The following ZNF385D variants were observed in gnomAD, a reference collection of about 807,000 sequenced individuals.
ZNF385D encodes zinc finger protein 659.
A neutral mutation model predicts 35.8 loss-of-function variants in ZNF385D; 15 were observed. The observed-to-expected ratio is 0.42, with a 90% CI of 0.28 to 0.64. The LOEUF is 0.64. ZNF385D is among the 30% of genes least tolerant of loss of function. The probability of loss-of-function intolerance (pLI) is 0.23; values close to 1 mark genes in which losing one functional copy is unlikely to be tolerated. For missense variants in ZNF385D, 474 were observed against 494.6 expected, an observed-to-expected ratio of 0.96 and a Z score of 0.39; for synonymous variants, 212 against 186.8, an observed-to-expected ratio of 1.13 and a Z score of -1.10.
At chr3:22,358,000 T>C (rs1362857347) in intron 2 of ZNF385D, among the ~76,000 whole-genome samples, 2 of 151,904 alleles carry the variant, frequency 1.3e-5, no homozygotes, top group African/African-American at 4.8e-5. Flanking sequence ...CCAGTTACCT[T>C]TGAGCTCCTG....
intron 2 of ZNF385D, among the ~76,000 whole-genome samples, chr3:22,194,205 T>C (rs1696253512): frequency 6.6e-6 from 1 of 151,926 alleles, no homozygotes; most frequent in Non-Finnish European, 1.5e-5. Context: ...TTTTTATTAA[T>C]TTTTAATTTT....
At chr3:21,780,306 A>G (rs2071439651) in intron 3 of ZNF385D, among the ~76,000 whole-genome samples, 1 of 151,970 alleles carries the variant, frequency 6.6e-6, no homozygotes, top group Non-Finnish European at 1.5e-5. Context: ...GCTCATGGCC[A>G]AAGTGAATAC....
chr3:22,346,555 A>C (rs1695668316), intron 2 of ZNF385D, among the ~76,000 whole-genome samples: 1 of 152,240 alleles, frequency 6.6e-6, no homozygotes, highest in African/African-American at 2.4e-5. Context: ...ACTAAAGTTT[A>C]ATGGGTGTAA....
intron 3 of ZNF385D, among the ~76,000 whole-genome samples, chr3:22,016,616 T>C (rs1047797724): frequency 2.6e-5 from 4 of 152,064 alleles, no homozygotes; most frequent in African/African-American, 9.7e-5. Flanking sequence ...TTTTCCTTCC[T>C]GCCTAGAACA....
intron 1 of ZNF385D, among the ~76,000 whole-genome samples, chr3:21,690,103 T>C (rs2067233493): frequency 6.6e-6 from 1 of 152,178 alleles, no homozygotes; most frequent in Non-Finnish European, 1.5e-5. Context: ...TTTGTATACA[T>C]GTAACATATT....
At chr3:22,036,823 T>C (rs889607115) in intron 3 of ZNF385D, among the ~76,000 whole-genome samples, 2 of 150,630 alleles carry the variant, frequency 1.3e-5, no homozygotes, top group African/African-American at 4.9e-5. Flanking sequence ...TAACTCGTCA[T>C]TTAACATTAG....
intron 3 of ZNF385D, among the ~76,000 whole-genome samples, chr3:22,096,300 G>A (rs1253517438): frequency 6.6e-6 from 1 of 151,360 alleles, no homozygotes; most frequent in Non-Finnish European, 1.5e-5. Context: ...ACCTGCACAT[G>A]TAAACCCTGA....
intron 4 of ZNF385D, among the ~76,000 whole-genome samples, chr3:21,455,541 A>G (rs998336737): frequency 1.3e-5 from 2 of 152,226 alleles, no homozygotes; most frequent in Non-Finnish European, 2.9e-5. Context: ...ATATGTAGAA[A>G]GCTGAAACTG....
At chr3:22,338,792 C>G (rs1249700481) in intron 2 of ZNF385D, among the ~76,000 whole-genome samples, 1 of 150,702 alleles carries the variant, frequency 6.6e-6, no homozygotes, top group Non-Finnish European at 1.5e-5. Flanking sequence ...CCTCCACCTC[C>G]TGGGTTCTAG....
chr3:21,965,015 A>G (rs1702831008), intron 3 of ZNF385D, among the ~76,000 whole-genome samples: 1 of 152,204 alleles, frequency 6.6e-6, no homozygotes, highest in Admixed American at 6.5e-5. Flanking sequence ...GTATCTTAAT[A>G]ATTGGCAGCA....
In ZNF385D at chr3:21,646,667, G is replaced by C. The variant is rs762606875; in HGVS notation, c.165+18219C>G. Among the ~76,000 whole-genome samples, 6 of 150,392 alleles carry C rather than the reference G, an allele frequency of 4.0e-5. No homozygotes were observed. Among genetic ancestry groups the C allele is most frequent in the Non-Finnish European group, 8.8e-5 (6 of 68,018 alleles). On this transcript the variant is annotated intron_variant, in intron 2 of 7. Coordinates refer to ENST00000281523, the MANE Select transcript of ZNF385D (RefSeq NM_024697.3). This position sits in a 1 kb window ranked among gnomAD's most constrained non-coding sequence, Gnocchi z 4.3. ...TCTCCATTTACTTCAGAGGCAATTA[G>C]AAAGAAAGAAACAGGCCTGCCTTCA...
chr3:21,543,183 C>G (rs2062239917), intron 3 of ZNF385D, among the ~76,000 whole-genome samples: 1 of 152,082 alleles, frequency 6.6e-6, no homozygotes, highest in African/African-American at 2.4e-5. Flanking sequence ...TGGTGGCGCG[C>G]GCCTGTAATC....
chr3:22,019,975 T>C (rs1697125601), intron 3 of ZNF385D, among the ~76,000 whole-genome samples: 1 of 151,898 alleles, frequency 6.6e-6, no homozygotes, highest in Non-Finnish European at 1.5e-5. Flanking sequence ...AAAAACAAGA[T>C]AACTTCGTGT....
chr3:21,985,447 C>G lies in ZNF385D; in HGVS notation c.325+183370G>C, dbSNP rs1360317931. On this transcript the variant is annotated intron_variant, in intron 3 of 5. Transcript: ENST00000494108. ...AATCATGTGGTTTTTGTCTTTGGCTCTGTTTATATGCTGGATCACATTTAT... is the reference window on the plus strand; with the variant it reads ...AATCATGTGGTTTTTGTCTTTGGCTGTGTTTATATGCTGGATCACATTTAT... 7.8e-5 allele frequency among the ~76,000 whole-genome samples: 9 copies of G among 115,480 alleles called. 2 individuals are homozygous for G. The highest frequency in any genetic ancestry group is 1.2e-4 in the Non-Finnish European group (7 of 56,424). 75.8% of individuals were successfully genotyped at this position (115,480 alleles called of 152,430 possible).
At chr3:22,300,371 G>A (rs1198154857) in intron 2 of ZNF385D, among the ~76,000 whole-genome samples, 1 of 140,514 alleles carries the variant, frequency 7.1e-6, no homozygotes, top group Non-Finnish European at 1.5e-5. Context: ...TCCTGACATT[G>A]ATTGGTCTGG....
chr3:21,817,658 T>C (rs910747327), intron 3 of ZNF385D, among the ~76,000 whole-genome samples: 22 of 152,078 alleles, frequency 1.4e-4, no homozygotes, highest in Admixed American at 2.6e-4. Context: ...TGGAGATCAT[T>C]AAAAAGTTGG....
chr3:22,144,001 C>T (rs947098448), intron 3 of ZNF385D, among the ~76,000 whole-genome samples: 5 of 152,008 alleles, frequency 3.3e-5, no homozygotes, highest in Admixed American at 2.0e-4. Flanking sequence ...TTCATGTTAT[C>T]TTTGATTTTG....
chr3:21,791,780 G>A (rs1057209097), intron 3 of ZNF385D, among the ~76,000 whole-genome samples: 4 of 152,122 alleles, frequency 2.6e-5, no homozygotes, highest in Non-Finnish European at 4.4e-5. Context: ...CTGTCATCAG[G>A]CTGGAGTGTA....
At chr3:22,192,569 C>G (rs1423174022) in intron 2 of ZNF385D, among the ~76,000 whole-genome samples, 1 of 152,146 alleles carries the variant, frequency 6.6e-6, no homozygotes, top group Admixed American at 6.6e-5. Flanking sequence ...GACACTCAAG[C>G]AAGCCATGTG....
Sources: allele counts gnomAD v4.1 joint callset (sites outside exome capture counted in the v4.1 genomes callset), GRCh38; gene constraint gnomAD v4.1.1; non-coding constraint Gnocchi (gnomAD v3.1); transcripts MANE v1.5; gene names NCBI Gene and HGNC (gene_info 2026-07-23, HGNC 2026-07-21).